TMEM272: variants seen among roughly 807,000 people sequenced by gnomAD.
The protein encoded by TMEM272 is transmembrane protein 272, also known as long intergenic non-protein coding RNA 282.
A neutral mutation model predicts 3.7 loss-of-function variants in TMEM272; 8 were observed. That is an observed-to-expected ratio of 2.17 (90% CI 1.27 to 3.91). The LOEUF (loss-of-function observed/expected upper bound fraction) is 3.91. Ranked by LOEUF, TMEM272 falls within the 30% of genes most tolerant of loss-of-function variation. The pLI is 0.00. For synonymous variants in TMEM272, 63 were observed against 39.8 expected, an observed-to-expected ratio of 1.58 and a Z score of -2.20; for missense variants, 166 against 91.5, an observed-to-expected ratio of 1.81 and a Z score of -3.32.
the TMEM272 span, among the ~76,000 whole-genome samples, chr13:51,891,413 G>T: frequency 2.0e-5 from 3 of 152,146 alleles, no homozygotes; most frequent in Non-Finnish European, 4.4e-5. Flanking sequence ...GTAAAGTTTA[G>T]CAATTTTTAT....
At chr13:51,909,727 A>T in the TMEM272 span, 1 of 1,549,130 alleles carries the variant, frequency 6.5e-7, no homozygotes, top group Non-Finnish European at 8.9e-7. Flanking sequence ...CCATCTTTCA[A>T]TTCACTGTTC....
At chr13:51,894,716 G>A in the TMEM272 span, among the ~76,000 whole-genome samples, 2 of 152,324 alleles carry the variant, frequency 1.3e-5, no homozygotes, top group East Asian at 3.9e-4. Flanking sequence ...CCAGGGACCA[G>A]TTTCGTGGAA....
chr13:51,821,062 T>C (rs1012848343), intron 4 of TMEM272, among the ~76,000 whole-genome samples: 1 of 152,220 alleles, frequency 6.6e-6, no homozygotes, highest in Admixed American at 6.5e-5. Context: ...ATGTCTTAGA[T>C]CAACAGCATG....
the TMEM272 span, among the ~76,000 whole-genome samples, chr13:51,873,064 C>T: frequency 6.6e-6 from 1 of 152,134 alleles, no homozygotes; most frequent in African/African-American, 2.4e-5. Flanking sequence ...CCAGGCAGAA[C>T]CCCAGTCCAG....
the TMEM272 span, among the ~76,000 whole-genome samples, chr13:51,870,359 A>G: frequency 6.6e-6 from 1 of 152,258 alleles, no homozygotes; most frequent in African/African-American, 2.4e-5. Flanking sequence ...GGCTTTTAAA[A>G]TAGGTTCTTG....
chr13:51,924,474 T>C, the TMEM272 span, among the ~76,000 whole-genome samples: 1 of 152,098 alleles, frequency 6.6e-6, no homozygotes, highest in African/African-American at 2.4e-5. Context: ...GTCTCCACAA[T>C]CCTGCCAGTG....
intron 1 of TMEM272, among the ~76,000 whole-genome samples, chr13:51,843,641 A>T (rs1956280112): frequency 1.3e-5 from 2 of 152,310 alleles, no homozygotes; most frequent in South Asian, 4.1e-4. Flanking sequence ...TAGAAATCTG[A>T]AACAGGAAGA....
At chr13:51,866,575 T>C in the TMEM272 span, among the ~76,000 whole-genome samples, 1 of 152,166 alleles carries the variant, frequency 6.6e-6, no homozygotes, top group Admixed American at 6.5e-5. Context: ...TAATTCTTCA[T>C]TTGTGCCTCT....
chr13:51,902,839 A>T, the TMEM272 span, among the ~76,000 whole-genome samples: 1 of 152,260 alleles, frequency 6.6e-6, no homozygotes, highest in South Asian at 2.1e-4. Context: ...ATTTTGAGAA[A>T]CAGATAACTA....
chr13:51,904,628 C>G, the TMEM272 span, among the ~76,000 whole-genome samples: 1 of 152,120 alleles, frequency 6.6e-6, no homozygotes, highest in Non-Finnish European at 1.5e-5. Flanking sequence ...GTTGAGCAAT[C>G]CAAAAATCTG....
the TMEM272 span, chr13:51,865,592 T>A: frequency 6.2e-7 from 1 of 1,614,176 alleles, no homozygotes; most frequent in Non-Finnish European, 8.5e-7. Flanking sequence ...GATGTGGACT[T>A]TCCGAGGCAA....
chr13:51,866,711 C>T, the TMEM272 span, among the ~76,000 whole-genome samples: 3 of 152,126 alleles, frequency 2.0e-5, no homozygotes, highest in Admixed American at 6.5e-5. Context: ...GGGGCCTTGG[C>T]GTGGGGGCTG....
chr13:51,838,664 G>A, intron 1 of TMEM272, 111 bp from the exon 2 acceptor site: 1 of 683,974 alleles, frequency 1.5e-6, no homozygotes, highest in Non-Finnish European at 2.7e-6. Context: ...GTCTCAGTCA[G>A]CCCGGGTGGC....
At chr13:51,869,033 T>C in the TMEM272 span, among the ~76,000 whole-genome samples, 3 of 152,220 alleles carry the variant, frequency 2.0e-5, no homozygotes, top group African/African-American at 4.8e-5. Context: ...TTAAACCATC[T>C]GTGGTTTATC....
At chr13:51,876,833 A>C in the TMEM272 span, among the ~76,000 whole-genome samples, 4 of 152,196 alleles carry the variant, frequency 2.6e-5, no homozygotes, top group Admixed American at 2.6e-4. Flanking sequence ...TTAAACAGAC[A>C]ATCCTTTGTT....
At chr13:51,852,844 A>G in the TMEM272 span, among the ~76,000 whole-genome samples, 1 of 150,404 alleles carries the variant, frequency 6.6e-6, no homozygotes, top group Non-Finnish European at 1.5e-5. Context: ...GCGCCATTGC[A>G]CCACTCCAGT....
At chr13:51,877,098 A>C in the TMEM272 span, among the ~76,000 whole-genome samples, 2 of 152,216 alleles carry the variant, frequency 1.3e-5, no homozygotes, top group Non-Finnish European at 2.9e-5. Context: ...TGAGAACCAG[A>C]GATAGAAAAC....
the TMEM272 span, among the ~76,000 whole-genome samples, chr13:51,921,945 A>G: frequency 6.6e-6 from 1 of 152,014 alleles, no homozygotes; most frequent in African/African-American, 2.4e-5. Flanking sequence ...TGTTGGGGAT[A>G]TGTGTTGGTT....
At chr13:51,922,729 G>C in the TMEM272 span, among the ~76,000 whole-genome samples, 1 of 152,202 alleles carries the variant, frequency 6.6e-6, no homozygotes. Context: ...GGCAGGGCTG[G>C]GTCCTTCTGG....
Sources: gnomAD v4.1 joint callset for allele counts (sites outside exome capture counted in the v4.1 genomes callset) on GRCh38, gnomAD v4.1.1 for gene constraint, MANE v1.5 for transcripts, NCBI Gene and HGNC (gene_info 2026-07-23, HGNC 2026-07-21) for gene names.